N4BP2: variants seen among roughly 807,000 people sequenced by gnomAD.
N4BP2 encodes the protein NEDD4 binding protein 2, also known as NEDD4-binding protein 2.
In N4BP2, 91 loss-of-function variants were observed where a neutral mutation model predicts 152.8. The observed-to-expected ratio is 0.60, with a 90% CI of 0.50 to 0.71. The LOEUF is 0.71. N4BP2 is among the 30% of genes least tolerant of loss of function. The pLI, the probability that N4BP2 is intolerant of heterozygous loss-of-function variation, is 0.00. For missense variants in N4BP2, 1,923 were observed against 2,059.1 expected (o/e 0.93, Z 1.28); for synonymous variants, 646 against 705.3 (o/e 0.92, Z 1.33).
In N4BP2 at chr4:40,122,158, A is replaced by C. The variant is rs755234261; in HGVS notation, c.4047A>C (p.Ser1349=). The change falls in exon 9 of 18, where the codon TCA becomes TCC. Residue 1349 remains serine, a synonymous_variant. Transcript: ENST00000261435. ...KEILMAGSSL[S]AGVSGEDKTE... is the part of the protein sequence containing the mutation. ...TTCTAATGGCAGGAAGTAGTTTATC[A>C]GCTGGAGTTAGTGGGGAAGATAAAA... 6.2e-7 allele frequency: 1 copy of C among 1,613,062 alleles called. No individual in the cohort carries two copies. Among genetic ancestry groups the C allele is most frequent in the Admixed American group, 1.7e-5 (1 of 59,914 alleles).
rs868422284 is a variant in N4BP2 at position 40,141,316 on chromosome 4, C to T, written c.4786-1357C>T. Among the ~76,000 whole-genome samples the T allele has an allele frequency of 2.1e-3, 326 of 151,864 alleles. 1 individual carries two copies. Among genetic ancestry groups the T allele is most frequent in the African/African-American group, 7.5e-3 (309 of 41,408 alleles). ...GGGGTGGCTGCCGGGCGGTGACGCT[C>T]CTCACTTGTCAGACGGGGCGGCTTC... On this transcript the variant is annotated intron_variant, in intron 14 of 17. Coordinates refer to ENST00000261435, the MANE Select transcript of N4BP2 (RefSeq NM_018177.6).
chr4:40,148,940 T>G (rs1720880865), intron 16 of N4BP2, among the ~76,000 whole-genome samples: 1 of 152,082 alleles, frequency 6.6e-6, no homozygotes, highest in South Asian at 2.1e-4. Context: ...AAAAAAAAAT[T>G]GAAAAATCGA....
intron 2 of N4BP2, among the ~76,000 whole-genome samples, chr4:40,082,664 C>A (rs1353342764): frequency 6.6e-6 from 1 of 151,920 alleles, no homozygotes; most frequent in Non-Finnish European, 1.5e-5. Flanking sequence ...AGCAAACAAA[C>A]CAACCCAACA....
At chr4:40,170,475 C>T in the N4BP2 span, among the ~76,000 whole-genome samples, 3 of 152,038 alleles carry the variant, frequency 2.0e-5, no homozygotes, top group South Asian at 4.1e-4. Context: ...AAAAATTAGC[C>T]GGGTGTGGTG....
Position 40,120,748 on chromosome 4 carries a change from C to T in N4BP2, c.2637C>T (p.Phe879=). The T allele has an allele frequency of 6.2e-7, 1 of 1,614,044 alleles. No homozygotes were observed. Among genetic ancestry groups the T allele is most frequent in the South Asian group, 1.1e-5 (1 of 91,064 alleles). The change falls in exon 9 of 18, where the codon TTC becomes TTT. Residue 879 remains phenylalanine (F), a synonymous_variant. Transcript: ENST00000261435. ...DAYKNIDKNS[F]NIMGDWPSSD... is the part of the protein sequence containing the mutation. Reference sequence around the variant, plus strand: ...ATAAAAATATTGACAAAAACTCATTCAACATTATGGGTGACTGGCCTTCAT... The same window carrying T: ...ATAAAAATATTGACAAAAACTCATTTAACATTATGGGTGACTGGCCTTCAT...
intron 7 of N4BP2, among the ~76,000 whole-genome samples, chr4:40,114,280 A>G (rs1717159680): frequency 6.6e-6 from 1 of 152,122 alleles, no homozygotes; most frequent in South Asian, 2.1e-4. Flanking sequence ...ACTAAAGGAC[A>G]ACCTAATTTT....
intron 2 of N4BP2, among the ~76,000 whole-genome samples, chr4:40,076,363 C>G (rs1578961966): frequency 6.6e-6 from 1 of 152,030 alleles, no homozygotes; most frequent in African/African-American, 2.4e-5. Flanking sequence ...GTGGTCCCAG[C>G]TATTCGGGAG....
intron 1 of N4BP2, among the ~76,000 whole-genome samples, chr4:40,059,887 A>G (rs564680033): frequency 4.7e-4 from 71 of 152,334 alleles, no homozygotes; most frequent in Non-Finnish European, 8.5e-4. Context: ...GAGACTGAGA[A>G]GTATTAAGAA....
the N4BP2 span, among the ~76,000 whole-genome samples, chr4:40,183,560 C>T: frequency 2.0e-5 from 3 of 152,042 alleles, no homozygotes; most frequent in Non-Finnish European, 4.4e-5. Context: ...ATGGTCTCGA[C>T]CTTCTGACCT....
Position 40,122,208 on chromosome 4 carries a change from C to A in N4BP2, c.4097C>A (p.Ala1366Glu). The A allele has an allele frequency of 6.2e-7, 1 of 1,613,712 alleles. No individual in the cohort carries two copies. Among genetic ancestry groups the A allele is most frequent in the Non-Finnish European group, 8.5e-7 (1 of 1,179,744 alleles). The change falls in exon 9 of 18, where the codon GCG (alanine) becomes GAG (glutamate). Residue 1366 changes from alanine to glutamate, a missense_variant. Transcript: ENST00000261435. ...ACCGAGATATTGAATCCCACTCCAG[C>A]GATGGCCAAATCTCTGACCATAGAC... ...DKTEILNPTP[A>E]MAKSLTIDCL... is the part of the protein sequence containing the mutation.
intron 2 of N4BP2, among the ~76,000 whole-genome samples, chr4:40,093,624 T>C (rs547968711): frequency 1.7e-4 from 26 of 151,662 alleles, no homozygotes; most frequent in Admixed American, 5.3e-4. Context: ...TATTTATTTA[T>C]TTACTTTTGG....
At chr4:40,109,059 C>A (rs1716608058) in intron 5 of N4BP2, among the ~76,000 whole-genome samples, 1 of 152,038 alleles carries the variant, frequency 6.6e-6, no homozygotes. Context: ...TTGTGATCCA[C>A]CTATCTCAGC....
chr4:40,115,832 A>G (rs1579061661), intron 7 of N4BP2, among the ~76,000 whole-genome samples: 1 of 152,146 alleles, frequency 6.6e-6, no homozygotes, highest in African/African-American at 2.4e-5. Context: ...ACAATGTGTT[A>G]ATATATCCAT....
At chr4:40,099,720 A>G (rs1024941920) in intron 3 of N4BP2, among the ~76,000 whole-genome samples, 3 of 152,010 alleles carry the variant, frequency 2.0e-5, no homozygotes, top group African/African-American at 7.3e-5. Flanking sequence ...AATTTTTCCC[A>G]GCAATCTGTA....
chr4:40,179,349 G>A, the N4BP2 span, among the ~76,000 whole-genome samples: 23,410 of 152,116 alleles, frequency 0.15, 2,428 homozygotes, highest in Admixed American at 0.27. Flanking sequence ...CAGCCTGGGC[G>A]ACAGAGTGAG....
intron 2 of N4BP2, among the ~76,000 whole-genome samples, chr4:40,094,021 A>T (rs964091455): frequency 2.6e-5 from 4 of 152,188 alleles, no homozygotes; most frequent in African/African-American, 4.8e-5. Flanking sequence ...CAATCCAGGT[A>T]GGCGTGAGCC....
intron 2 of N4BP2, among the ~76,000 whole-genome samples, chr4:40,080,556 C>T (rs150138865): frequency 0.011 from 1,675 of 151,936 alleles, 31 homozygotes; most frequent in African/African-American, 0.038. Flanking sequence ...AGGCTGGTCT[C>T]GATCTCCTGA....
chr4:40,130,778 GA>G (rs1296801785), intron 12 of N4BP2, among the ~76,000 whole-genome samples: 1 of 152,084 alleles, frequency 6.6e-6, no homozygotes, highest in East Asian at 1.9e-4. Flanking sequence ...TTAAATTTAG[GA>G]ATTTTCAGTC....
At chr4:40,108,820 GT>G (rs762951724) in intron 5 of N4BP2, among the ~76,000 whole-genome samples, 67 of 141,780 alleles carry the variant, frequency 4.7e-4, no homozygotes, top group Non-Finnish European at 4.8e-4. Flanking sequence ...ATTTTCCTCA[GT>G]TTTTTTTTTT....
Sources: allele counts gnomAD v4.1 joint callset (sites outside exome capture counted in the v4.1 genomes callset), GRCh38; gene constraint gnomAD v4.1.1; transcripts MANE v1.5; gene names NCBI Gene and HGNC (gene_info 2026-07-23, HGNC 2026-07-21).